Variants in NSUN3 observed in about 807,000 individuals in gnomAD.
NSUN3 encodes NOP2/Sun RNA methyltransferase 3, also known as tRNA (cytosine(34)-C(5))-methyltransferase, mitochondrial.
In NSUN3, 24 loss-of-function variants were observed where a neutral mutation model predicts 36.8. That is an observed-to-expected ratio of 0.65 (90% CI 0.47 to 0.92). The LOEUF is 0.92. NSUN3 is among the 40% of genes least tolerant of loss of function. NSUN3 has a pLI of 0.00. For synonymous variants in NSUN3, 146 were observed against 145.2 expected, an observed-to-expected ratio of 1.01 and a Z score of -0.04; for missense variants, 381 against 392.8, an observed-to-expected ratio of 0.97 and a Z score of 0.25.
chr3:94,084,436 A>T lies in NSUN3; in HGVS notation c.452A>T (p.Gln151Leu), dbSNP rs1345721011. The change falls in exon 3 of 6, where the codon CAG becomes CTG. Residue 151 changes from glutamine to leucine, a missense_variant. Transcript: ENST00000314622. ...APGGKSIALL[Q>L]CACPGYLHCN... Reference sequence around the variant, plus strand: ...GGAGGGAAATCAATAGCTCTGCTGCAGTGTGCTTGTCCAGGTAGTGTGCTT... The same window carrying T: ...GGAGGGAAATCAATAGCTCTGCTGCTGTGTGCTTGTCCAGGTAGTGTGCTT... 1 of 1,612,992 alleles carries T rather than the reference A, an allele frequency of 6.2e-7. No homozygotes were observed.
chr3:94,125,749 A>T (rs2077482802), intron 5 of NSUN3, among the ~76,000 whole-genome samples: 1 of 152,170 alleles, frequency 6.6e-6, no homozygotes, highest in East Asian at 1.9e-4. Flanking sequence ...CTTCAAGGAT[A>T]AGTTAGAAAG....
Position 94,084,176 on chromosome 3 carries a change from A to C in NSUN3, c.192A>C (p.Glu64Asp). The C allele has an allele frequency of 6.2e-7, 1 of 1,614,160 alleles. No individual in the cohort carries two copies. The highest frequency in any genetic ancestry group is 8.5e-7 in the Non-Finnish European group (1 of 1,180,010). The change falls in exon 3 of 6, where the codon GAA (glutamate) becomes GAC (aspartate). Residue 64 changes from glutamate (E) to aspartate (D), a missense_variant. Coordinates refer to ENST00000314622, the MANE Select transcript of NSUN3 (RefSeq NM_022072.5). Reference protein sequence around the residue: ...VLLNRFNYPFELEKDLHLKGY... With the variant: ...VLLNRFNYPFDLEKDLHLKGY... ...TTAACCGATTCAATTATCCTTTTGA[A>C]CTGGAAAAGGATTTACATTTGAAGG... is the stretch of plus-strand genomic sequence containing the variant.
rs2077501483 is a variant in NSUN3, at chr3:94,129,578, C to G, written c.*3088C>G. Reference sequence around the variant, plus strand: ...ACCTGGGTGACGGGATCGTCTGTACCCCAAACCTCAGCATCATCCAGTATA... The same window carrying G: ...ACCTGGGTGACGGGATCGTCTGTACGCCAAACCTCAGCATCATCCAGTATA... On this transcript the variant is annotated 3_prime_UTR_variant, in exon 6 of 6. Transcript: ENST00000314622. Among the ~76,000 whole-genome samples, 1 of 151,842 alleles carries G rather than the reference C, an allele frequency of 6.6e-6. No individual in the cohort carries two copies. The highest frequency in any genetic ancestry group is 2.4e-5 in the African/African-American group (1 of 41,308).
chr3:94,113,159 C>T (rs535885933), intron 5 of NSUN3, among the ~76,000 whole-genome samples: 83 of 152,222 alleles, frequency 5.5e-4, no homozygotes, highest in Non-Finnish European at 1.1e-3. Context: ...CCACCGCACC[C>T]GGCCCAAGAA....
chr3:94,124,148 C>CTTTTTTTTTTTTTTTTTTTTTTTTTT, intron 5 of NSUN3, among the ~76,000 whole-genome samples: 1 of 88,186 alleles, frequency 1.1e-5, no homozygotes, highest in Non-Finnish European at 2.1e-5. Flanking sequence ...TATTTTATTT[C>CTTTTTTTTTTTTTTTTTTTTTTTTTT]TTTTTTTTTT....
At chr3:94,122,525 C>T (rs1471920877) in intron 5 of NSUN3, among the ~76,000 whole-genome samples, 1 of 152,166 alleles carries the variant, frequency 6.6e-6, no homozygotes, top group African/African-American at 2.4e-5. Flanking sequence ...CTACCCTGCA[C>T]CCTGCAATCT....
At chr3:94,120,207 A>G (rs1313347134) in intron 5 of NSUN3, among the ~76,000 whole-genome samples, 1 of 152,230 alleles carries the variant, frequency 6.6e-6, no homozygotes, top group Non-Finnish European at 1.5e-5. Flanking sequence ...CTGAATTCAA[A>G]TATTGCCTAT....
chr3:94,094,261 A>C lies in NSUN3; in HGVS notation c.588A>C (p.Lys196Asn), dbSNP rs770879135. 3 of 1,612,900 alleles carry C rather than the reference A, an allele frequency of 1.9e-6. No individual in the cohort carries two copies. Among genetic ancestry groups the C allele is most frequent in the Non-Finnish European group, 2.5e-6 (3 of 1,179,694 alleles). Residue 196 changes from lysine (K) to asparagine (N), a missense_variant, in exon 4 of 6, where the codon AAA (lysine) becomes AAC (asparagine). By Grantham distance (94) the Lys-to-Asn change is moderately conservative (BLOSUM62 0). Coordinates refer to ENST00000314622, the MANE Select transcript of NSUN3 (RefSeq NM_022072.5). The part of the protein sequence containing the change: ...VIKVSELDGR[K>N]MGDAQPEMFD... The stretch of plus-strand genomic sequence containing the variant: ...AAGTGTCTGAATTGGATGGCAGAAA[A>C]ATGGGAGATGCCCAGCCTGAAATGT...
At chr3:94,118,738 C>T (rs1361654164) in intron 5 of NSUN3, among the ~76,000 whole-genome samples, 1 of 151,902 alleles carries the variant, frequency 6.6e-6, no homozygotes, top group Non-Finnish European at 1.5e-5. Flanking sequence ...GACATTTACA[C>T]AAGCATAGAG....
At chr3:94,110,623 C>T (rs1307965119) in intron 5 of NSUN3, among the ~76,000 whole-genome samples, 1 of 152,004 alleles carries the variant, frequency 6.6e-6, no homozygotes, top group Non-Finnish European at 1.5e-5. Flanking sequence ...TATATAGTCT[C>T]TCTTCCACGA....
intron 2 of NSUN3, among the ~76,000 whole-genome samples, chr3:94,065,190 T>C (rs555990920): frequency 1.3e-5 from 2 of 152,328 alleles, no homozygotes; most frequent in Non-Finnish European, 2.9e-5. Flanking sequence ...AGCAAGACAG[T>C]CTGCATGTCC....
intron 5 of NSUN3, among the ~76,000 whole-genome samples, chr3:94,109,547 C>T (rs910398493): frequency 2.0e-5 from 3 of 152,250 alleles, no homozygotes; most frequent in South Asian, 4.1e-4. Context: ...GTGAGGTTAG[C>T]GGGGAGTAAA....
intron 3 of NSUN3, among the ~76,000 whole-genome samples, chr3:94,088,401 C>T (rs1230402702): frequency 6.6e-6 from 1 of 152,068 alleles, no homozygotes; most frequent in Non-Finnish European, 1.5e-5. Flanking sequence ...TTTCTAAAAT[C>T]CTAGGGCTCT....
At position 94,084,430 on chromosome 3, in the gene NSUN3, T is replaced by C; in HGVS notation, c.446T>C (p.Leu149Pro). 1 of 1,613,230 alleles carries C rather than the reference T, an allele frequency of 6.2e-7. No homozygotes were observed. Among genetic ancestry groups the C allele is most frequent in the South Asian group, 1.1e-5 (1 of 91,020 alleles). ...GCTCCTGGAGGGAAATCAATAGCTC[T>C]GCTGCAGTGTGCTTGTCCAGGTAGT... ...CAAPGGKSIALLQCACPGYLH... is the reference protein window; with the variant it reads ...CAAPGGKSIAPLQCACPGYLH... The change falls in exon 3 of 6, where the codon CTG (leucine) becomes CCG (proline). Residue 149 changes from leucine to proline, a missense_variant. Physicochemically the swap from Leu to Pro is moderately conservative, Grantham distance 98. Transcript: ENST00000314622.
chr3:94,089,666 A>G (rs1251461689), intron 3 of NSUN3, among the ~76,000 whole-genome samples: 1 of 152,194 alleles, frequency 6.6e-6, no homozygotes, highest in Non-Finnish European at 1.5e-5. Context: ...GAATGAAGGA[A>G]GAGGGGTGCA....
chr3:94,084,051 T>G, intron 2 of NSUN3, 56 bp from the exon 3 acceptor site: 1 of 1,240,372 alleles, frequency 8.1e-7, no homozygotes, highest in Non-Finnish European at 1.1e-6. Context: ...TAATATAAAA[T>G]TGTATTGGTA....
intron 5 of NSUN3, among the ~76,000 whole-genome samples, chr3:94,096,311 G>T (rs11712721): frequency 6.6e-6 from 1 of 152,080 alleles, no homozygotes; most frequent in Non-Finnish European, 1.5e-5. Context: ...GAACATTTCA[G>T]CAGTTAGACT....
chr3:94,085,618 G>T (rs747798980), intron 3 of NSUN3, among the ~76,000 whole-genome samples: 2 of 152,156 alleles, frequency 1.3e-5, no homozygotes, highest in Non-Finnish European at 2.9e-5. Flanking sequence ...AATTACCTGG[G>T]TATGGTGGTG....
At chr3:94,108,163 A>G (rs2077398862) in intron 5 of NSUN3, among the ~76,000 whole-genome samples, 1 of 152,026 alleles carries the variant, frequency 6.6e-6, no homozygotes, top group South Asian at 2.1e-4. Flanking sequence ...TGTGCTCTTT[A>G]TAGAGATTCA....
Sources: allele counts gnomAD v4.1 joint callset (sites outside exome capture counted in the v4.1 genomes callset), GRCh38; gene constraint gnomAD v4.1.1; transcripts MANE v1.5; gene names NCBI Gene and HGNC (gene_info 2026-07-23, HGNC 2026-07-21).